ARHGEF7: variants seen among roughly 807,000 people sequenced by gnomAD.
ARHGEF7 encodes the protein PAK-interacting exchange factor beta.
Under a neutral mutation model 109.8 loss-of-function variants are expected in ARHGEF7, and 33 were observed. The ratio of observed to expected loss-of-function variants is 0.30; its 90% CI spans 0.23 to 0.40. The LOEUF is 0.40. Ranked by LOEUF, ARHGEF7 falls within the 10% of genes least tolerant of loss-of-function variation. The probability of loss-of-function intolerance (pLI) is 1.00; values close to 1 mark genes in which losing one functional copy is unlikely to be tolerated. For synonymous variants in ARHGEF7, 458 were observed against 424.6 expected (o/e 1.08, Z -0.97); for missense variants, 938 against 1,098.5 (o/e 0.85, Z 2.07).
chr13:111,224,303 A>G (rs1314546902), intron 5 of ARHGEF7, among the ~76,000 whole-genome samples: 1 of 142,092 alleles, frequency 7.0e-6, no homozygotes, highest in Non-Finnish European at 1.5e-5. Flanking sequence ...GTGAGTGGTG[A>G]TGGTGGTTGC....
In ARHGEF7 at chr13:111,240,825, C is replaced by T. The variant is rs150784487; in HGVS notation, c.760-3047C>T. On this transcript the variant is annotated intron_variant, in intron 6 of 21. Coordinates refer to ENST00000646102, the MANE Select transcript of ARHGEF7 (RefSeq NM_001354046.2). ...AATACAGTTGTATGATGATAAAAAT[C>T]TTTTATACAGATGAAACAAAAAAAA... is the stretch of plus-strand genomic sequence containing the variant. Among the ~76,000 whole-genome samples, 109 of 152,150 alleles carry T rather than the reference C, an allele frequency of 7.2e-4. 1 individual carries two copies. The East Asian group carries it at 0.013, about 19-fold the overall frequency.
At chr13:111,153,687 CAG>C in intron 1 of ARHGEF7, 1 of 1,272,864 alleles carries the variant, frequency 7.9e-7, no homozygotes, top group Non-Finnish European at 9.9e-7. Context: ...CGGGAAGGGG[CAG>C]AGATTGGTGC....
chr13:111,247,666 A>G (rs1171935817), intron 8 of ARHGEF7, among the ~76,000 whole-genome samples: 1 of 151,808 alleles, frequency 6.6e-6, no homozygotes, highest in Non-Finnish European at 1.5e-5. Flanking sequence ...TGTTGGTTAG[A>G]CCCAGGAGTT....
chr13:111,234,903 G>A (rs145705523), intron 6 of ARHGEF7, among the ~76,000 whole-genome samples: 1 of 152,082 alleles, frequency 6.6e-6, no homozygotes, highest in Non-Finnish European at 1.5e-5. Context: ...CCCTTGGCCT[G>A]TTGGGCATTT....
rs2091674818 is a variant in ARHGEF7, at chr13:111,266,715, C to T, written c.951-833C>T. 7.0e-6 allele frequency: 3 copies of T among 426,816 alleles called. No homozygotes were observed. Among genetic ancestry groups the T allele is most frequent in the Middle Eastern group, 3.4e-4 (1 of 2,984 alleles). The allele number at this position is 426,816 out of a possible 1,614,324, so 26.4% of individuals were successfully genotyped here. On this transcript the variant is annotated intron_variant, in intron 8 of 21. Coordinates refer to ENST00000646102, the MANE Select transcript of ARHGEF7 (RefSeq NM_001354046.2). The surrounding 1 kb of genome is among the most constrained non-coding windows in gnomAD (Gnocchi z 4.8). ...GGTCACTTTTTCTCTGGCTCCCATT[C>T]CCTAGGTAGGAGGATGTAATCCTTC...
chr13:111,133,127 A>G (rs1308402681), intron 1 of ARHGEF7, among the ~76,000 whole-genome samples: 1 of 152,150 alleles, frequency 6.6e-6, no homozygotes, highest in Non-Finnish European at 1.5e-5. Flanking sequence ...ACACATTTAT[A>G]CACGTGCATA....
intron 4 of ARHGEF7, among the ~76,000 whole-genome samples, chr13:111,214,446 T>C (rs1266862452): frequency 6.6e-6 from 1 of 152,256 alleles, no homozygotes; most frequent in Admixed American, 6.5e-5. Context: ...GTGCATGCAC[T>C]GTGAGCCTGT....
intron 4 of ARHGEF7, 86 bp from the exon 5 acceptor site, chr13:111,217,593 C>T: frequency 7.8e-7 from 1 of 1,282,946 alleles, no homozygotes; most frequent in Non-Finnish European, 1.1e-6. Context: ...ATTATGCTAC[C>T]TTTGTACTAG....
intron 19 of ARHGEF7, among the ~76,000 whole-genome samples, chr13:111,297,994 A>G (rs1196856641): frequency 2.0e-5 from 3 of 152,262 alleles, no homozygotes; most frequent in African/African-American, 4.8e-5. Context: ...GAGATACACA[A>G]GTGATGCTTT....
intron 4 of ARHGEF7, 147 bp downstream of exon 4, chr13:111,210,149 G>T: frequency 9.6e-7 from 1 of 1,040,076 alleles, no homozygotes; most frequent in Non-Finnish European, 1.4e-6. Flanking sequence ...CCTGTAATCT[G>T]GTTTGGCATT....
Position 111,274,758 on chromosome 13 carries a change from C to A in ARHGEF7, c.1240C>A (p.Gln414Lys). The change falls in exon 11 of 22, where the codon CAA becomes AAA. Residue 414 changes from glutamine (Q) to lysine (K), a missense_variant. Gln to Lys is a moderately conservative substitution (Grantham distance 53). Transcript: ENST00000646102. The stretch of plus-strand genomic sequence containing the variant: ...TTATCATACAGATAGACAAGATATT[C>A]AAAAATCCATGGCTGCCTTCAAAAA... The part of the protein sequence containing the change: ...EDYHTDRQDI[Q>K]KSMAAFKNLS... 1.3e-6 allele frequency: 2 copies of A among 1,504,740 alleles called. No homozygotes were observed. The highest frequency in any genetic ancestry group is 1.8e-6 in the Non-Finnish European group (2 of 1,126,826). The allele number at this position is 1,504,740 out of a possible 1,614,324, so 93.2% of individuals were successfully genotyped here. A position where few individuals can be genotyped will look rare whatever the true frequency, so the allele number is the denominator to read the frequency against.
chr13:111,206,977 A>AAG (rs2081967079), intron 3 of ARHGEF7, among the ~76,000 whole-genome samples: 1 of 50,568 alleles, frequency 2.0e-5, no homozygotes, highest in African/African-American at 5.8e-5. Context: ...AAAAAAAAAG[A>AAG]AAAAGAAAAA....
intron 13 of ARHGEF7, among the ~76,000 whole-genome samples, chr13:111,279,894 T>C (rs2092692756): frequency 6.6e-6 from 1 of 152,226 alleles, no homozygotes; most frequent in South Asian, 2.1e-4. Context: ...ACGAGGAAAA[T>C]ACATGGTTCT....
chr13:111,157,420 C>G (rs1192414597), intron 2 of ARHGEF7, among the ~76,000 whole-genome samples: 1 of 151,838 alleles, frequency 6.6e-6, no homozygotes, highest in Non-Finnish European at 1.5e-5. Flanking sequence ...TGGCTCATGC[C>G]TGTAATCCTA....
chr13:111,231,159 G>A (rs1335861743), intron 5 of ARHGEF7, among the ~76,000 whole-genome samples: 1 of 152,194 alleles, frequency 6.6e-6, no homozygotes, highest in Non-Finnish European at 1.5e-5. Context: ...CCCCTGCAAT[G>A]TTGTTTTCTA....
In ARHGEF7 at chr13:111,239,411, C is replaced by T. The variant is rs2087380761; in HGVS notation, c.760-4461C>T. ...AGAGAAGCCGCACACCTGTCTTTTC[C>T]TCCCTGCTCCTTTAGTTTGCGATGG... On this transcript the variant is annotated intron_variant, in intron 6 of 21. Transcript: ENST00000646102. The surrounding 1 kb of genome is among the most constrained non-coding windows in gnomAD (Gnocchi z 4.3). Among the ~76,000 whole-genome samples, 1 of 152,182 alleles carries T rather than the reference C, an allele frequency of 6.6e-6. No individual in the cohort carries two copies. Among genetic ancestry groups the T allele is most frequent in the Non-Finnish European group, 1.5e-5 (1 of 68,030 alleles).
chr13:111,252,440 T>A (rs1390674740), intron 8 of ARHGEF7, among the ~76,000 whole-genome samples: 3 of 152,224 alleles, frequency 2.0e-5, no homozygotes, highest in African/African-American at 7.2e-5. Context: ...AGGCAGAGGC[T>A]TCTCCTTCCT....
chr13:111,240,724 T>A (rs1307769762), intron 6 of ARHGEF7, among the ~76,000 whole-genome samples: 1 of 152,150 alleles, frequency 6.6e-6, no homozygotes, highest in Non-Finnish European at 1.5e-5. Context: ...TTAGGTAGGG[T>A]GGAGGTAGAT....
intron 9 of ARHGEF7, among the ~76,000 whole-genome samples, chr13:111,270,870 A>T (rs1003323002): frequency 6.6e-6 from 1 of 152,224 alleles, no homozygotes; most frequent in African/African-American, 2.4e-5. Context: ...TGAAGCCCTC[A>T]TGTCACTCTA....
Sources: gnomAD v4.1 joint callset for allele counts (sites outside exome capture counted in the v4.1 genomes callset) on GRCh38, gnomAD v4.1.1 for gene constraint, Gnocchi (gnomAD v3.1) non-coding constraint, MANE v1.5 for transcripts, NCBI Gene and HGNC (gene_info 2026-07-23, HGNC 2026-07-21) for gene names.